Variants in SUSD4 observed in about 807,000 individuals in gnomAD.
SUSD4 encodes the protein sushi domain containing 4.
Under a neutral mutation model 50.5 loss-of-function variants are expected in SUSD4, and 41 were observed. The ratio of observed to expected loss-of-function variants is 0.81; its 90% CI spans 0.63 to 1.05. The LOEUF is 1.05. Among genes scored for constraint, SUSD4 ranks in the 50% least tolerant of loss-of-function variants. The probability of loss-of-function intolerance (pLI) is 0.00; values close to 1 mark genes in which losing one functional copy is unlikely to be tolerated. For missense variants in SUSD4, 580 were observed against 634.7 expected (o/e 0.91, Z 0.93); for synonymous variants, 257 against 257.3 (o/e 1.00, Z 0.01).
intron 2 of SUSD4, among the ~76,000 whole-genome samples, chr1:223,328,206 C>T (rs1666983933): frequency 6.6e-6 from 1 of 152,142 alleles, no homozygotes; most frequent in South Asian, 2.1e-4. Context: ...CAACATCTTA[C>T]ATTTGTTGGA....
At chr1:223,329,548 C>T (rs1667060020) in intron 2 of SUSD4, among the ~76,000 whole-genome samples, 1 of 152,164 alleles carries the variant, frequency 6.6e-6, no homozygotes, top group African/African-American at 2.4e-5. Context: ...CTGTGTTCAT[C>T]TCTGCCTCTA....
chr1:223,250,796 G>C (rs997464136), intron 5 of SUSD4, among the ~76,000 whole-genome samples: 1 of 152,210 alleles, frequency 6.6e-6, no homozygotes, highest in Non-Finnish European at 1.5e-5. Context: ...GCATAAGCAG[G>C]GTGCGGTGTA....
chr1:223,253,685 A>C (rs1017901486), intron 5 of SUSD4, among the ~76,000 whole-genome samples: 4 of 152,218 alleles, frequency 2.6e-5, no homozygotes, highest in Admixed American at 2.6e-4. Flanking sequence ...ACCTGACTGC[A>C]AGAGGTTTTA....
At chr1:223,349,508 T>G (rs1668236453) in intron 2 of SUSD4, among the ~76,000 whole-genome samples, 1 of 152,196 alleles carries the variant, frequency 6.6e-6, no homozygotes, top group Non-Finnish European at 1.5e-5. Context: ...TTCTGCAAAT[T>G]TGAGCTTCCA....
intron 4 of SUSD4, among the ~76,000 whole-genome samples, chr1:223,266,594 G>T (rs1417195542): frequency 2.0e-5 from 3 of 152,200 alleles, no homozygotes; most frequent in Non-Finnish European, 4.4e-5. Flanking sequence ...GAGAAGGAAA[G>T]ATATTCTCAC....
At chr1:223,361,941 G>A (rs1669004646) in intron 2 of SUSD4, among the ~76,000 whole-genome samples, 1 of 152,194 alleles carries the variant, frequency 6.6e-6, no homozygotes, top group South Asian at 2.1e-4. Context: ...CACAGGTGCT[G>A]GCCTGGCCTC....
At chr1:223,272,186 C>T (rs1404876436) in intron 3 of SUSD4, among the ~76,000 whole-genome samples, 1 of 152,218 alleles carries the variant, frequency 6.6e-6, no homozygotes, top group Non-Finnish European at 1.5e-5. Flanking sequence ...AAGATCACAC[C>T]ACTGCACTCT....
rs1481528000 is a variant in SUSD4, at chr1:223,307,617, G to A, written c.149-14966C>T. On this transcript the variant is annotated intron_variant, in intron 2 of 8. Transcript: ENST00000366878. ...AGTGCCACTGGGACTTTTGCGGGGG[G>A]ATTGGAGATGGGGAGGAAGAACAAG... 9.9e-5 allele frequency among the ~76,000 whole-genome samples: 15 copies of A among 152,176 alleles called. 1 individual carries two copies. Among genetic ancestry groups the A allele is most frequent in the Admixed American group, 8.5e-4 (13 of 15,274 alleles).
intron 5 of SUSD4, among the ~76,000 whole-genome samples, chr1:223,253,587 C>G: frequency 6.6e-6 from 1 of 152,044 alleles, no homozygotes; most frequent in East Asian, 1.9e-4. Flanking sequence ...GGAATGACCC[C>G]AAACACCCTG....
Position 223,223,552 on chromosome 1 carries a change from C to G in SUSD4, c.1141G>C (p.Glu381Gln). ...GVPVMLPSYD[E>Q]AVSGGLSALG... is the part of the protein sequence containing the mutation. The stretch of plus-strand genomic sequence containing the variant: ...GCACTCAAGCCGCCACTCACAGCTT[C>G]GTCATAGGACGGGAGCATGACGGGC... The change falls in exon 8 of 9, where the codon GAA (glutamate) becomes CAA (glutamine). Residue 381 changes from glutamate to glutamine, a missense_variant. Glu to Gln is a conservative substitution (Grantham distance 29, BLOSUM62 2). Coordinates refer to ENST00000366878, the MANE Select transcript of SUSD4 (RefSeq NM_017982.4). 6.2e-7 allele frequency: 1 copy of G among 1,613,428 alleles called. No individual in the cohort carries two copies. The highest frequency in any genetic ancestry group is 8.5e-7 in the Non-Finnish European group (1 of 1,179,822).
chr1:223,280,803 C>T (rs566246452), intron 3 of SUSD4, among the ~76,000 whole-genome samples: 24 of 152,180 alleles, frequency 1.6e-4, no homozygotes, highest in Non-Finnish European at 3.1e-4. Context: ...AGCACCACAT[C>T]GCACTTATTC....
intron 2 of SUSD4, among the ~76,000 whole-genome samples, chr1:223,323,468 T>C (rs917809649): frequency 6.6e-6 from 1 of 151,994 alleles, no homozygotes; most frequent in African/African-American, 2.4e-5. Context: ...TCACTTGACT[T>C]CCATGTGGCA....
chr1:223,245,238 T>C (rs1342715832), intron 5 of SUSD4, among the ~76,000 whole-genome samples: 1 of 151,180 alleles, frequency 6.6e-6, no homozygotes, highest in Non-Finnish European at 1.5e-5. Flanking sequence ...GTGTTTGTCT[T>C]TTTATTTTAT....
intron 2 of SUSD4, among the ~76,000 whole-genome samples, chr1:223,300,839 G>A (rs2103178757): frequency 6.6e-6 from 1 of 152,256 alleles, no homozygotes; most frequent in Admixed American, 6.5e-5. Flanking sequence ...TCACATGGTT[G>A]CCATTAAAGC....
chr1:223,227,830 C>A lies in SUSD4; in HGVS notation c.917-92G>T. On this transcript the variant is annotated intron_variant, in intron 6 of 8. Transcript: ENST00000366878. This position sits in a 1 kb window ranked among gnomAD's most constrained non-coding sequence, Gnocchi z 4.5. ...GGGCTCATTTGCTGGATTCATCTGGCACAAGAGATGCGTGCAAGGTGCCTC... is the reference window on the plus strand; with the variant it reads ...GGGCTCATTTGCTGGATTCATCTGGAACAAGAGATGCGTGCAAGGTGCCTC... 1 of 1,477,778 alleles carries A rather than the reference C, an allele frequency of 6.8e-7. No individual in the cohort carries two copies. Among genetic ancestry groups the A allele is most frequent in the South Asian group, 1.3e-5 (1 of 75,090 alleles). The allele number at this position is 1,477,778 out of a possible 1,614,324, so 91.5% of individuals were successfully genotyped here.
Position 223,292,532 on chromosome 1 carries a change from T to G in SUSD4, c.268A>C (p.Lys90Gln), listed in dbSNP as rs751731716. The G allele has an allele frequency of 6.2e-7, 1 of 1,614,164 alleles. No homozygotes were observed. The highest frequency in any genetic ancestry group is 1.1e-5 in the South Asian group (1 of 91,076). ...AGTCTCTTTGTAGCGCCCTTCAGCT[T>G]GAATCCGTCTTGGCAGTGAAATCGG... ...VARFHCQDGF[K>Q]LKGATKRLCL... The change falls in exon 3 of 9, where the codon AAG becomes CAG. Residue 90 changes from lysine to glutamine, a missense_variant. Coordinates refer to ENST00000366878, the MANE Select transcript of SUSD4 (RefSeq NM_017982.4).
At chr1:223,252,769 A>G (rs1040971893) in intron 5 of SUSD4, among the ~76,000 whole-genome samples, 30 of 151,934 alleles carry the variant, frequency 2.0e-4, no homozygotes, top group African/African-American at 6.0e-4. Context: ...GCCTGGACCA[A>G]TGAAATCCCT....
intron 2 of SUSD4, among the ~76,000 whole-genome samples, chr1:223,320,777 G>A (rs895740396): frequency 2.6e-5 from 4 of 152,144 alleles, no homozygotes; most frequent in East Asian, 1.9e-4. Flanking sequence ...AGGAAGGGCC[G>A]TCCCAGGACA....
At chr1:223,225,185 A>T (rs1380053422) in intron 7 of SUSD4, among the ~76,000 whole-genome samples, 2 of 151,726 alleles carry the variant, frequency 1.3e-5, no homozygotes, top group Non-Finnish European at 2.9e-5. Context: ...TTGGTTTCTT[A>T]TTGTCTCTGC....
Sources: gnomAD v4.1 joint callset for allele counts (sites outside exome capture counted in the v4.1 genomes callset) on GRCh38, gnomAD v4.1.1 for gene constraint, Gnocchi (gnomAD v3.1) non-coding constraint, MANE v1.5 for transcripts, NCBI Gene and HGNC (gene_info 2026-07-23, HGNC 2026-07-21) for gene names.